The following OTUD7A variants were observed in gnomAD, a reference collection of about 807,000 sequenced individuals.
The protein encoded by OTUD7A is OTU deubiquitinase 7A.
OTUD7A carries 12 observed loss-of-function variants against 65.7 expected under a neutral mutation model. That is an observed-to-expected ratio of 0.18 (90% CI 0.12 to 0.30). The LOEUF (loss-of-function observed/expected upper bound fraction) is 0.30. Ranked by LOEUF, OTUD7A falls within the 10% of genes least tolerant of loss-of-function variation. The probability of loss-of-function intolerance (pLI) is 1.00; values close to 1 mark genes in which losing one functional copy is unlikely to be tolerated. For synonymous variants in OTUD7A, 641 were observed against 586.3 expected, an observed-to-expected ratio of 1.09 and a Z score of -1.35; for missense variants, 1,148 against 1,304.8, an observed-to-expected ratio of 0.88 and a Z score of 1.85.
At chr15:31,549,078 G>A (rs1888231099) in intron 5 of OTUD7A, among the ~76,000 whole-genome samples, 1 of 150,650 alleles carries the variant, frequency 6.6e-6, no homozygotes. Context: ...ACAGGCTGGA[G>A]TGAGCTGACA....
chr15:31,768,024 T>C (rs1233128787), intron 1 of OTUD7A: 4 of 1,599,868 alleles, frequency 2.5e-6, no homozygotes, highest in African/African-American at 2.7e-5. Flanking sequence ...AAATTGCTAT[T>C]ATTTCTTAAT....
intron 3 of OTUD7A, among the ~76,000 whole-genome samples, chr15:31,610,689 T>C (rs1257832406): frequency 1.5e-5 from 2 of 130,584 alleles, no homozygotes; most frequent in African/African-American, 5.8e-5. Flanking sequence ...TGGCGCAACC[T>C]TGGCTCACTG....
chr15:31,666,409 G>A (rs1892321966), intron 1 of OTUD7A, among the ~76,000 whole-genome samples: 1 of 152,066 alleles, frequency 6.6e-6, no homozygotes, highest in Admixed American at 6.5e-5. Context: ...TGTGTGTAAA[G>A]GTGTTCATAG....
chr15:31,841,491 G>C (rs909115017), intron 1 of OTUD7A, among the ~76,000 whole-genome samples: 4 of 152,090 alleles, frequency 2.6e-5, no homozygotes, highest in African/African-American at 9.7e-5. Flanking sequence ...CCTCTACATA[G>C]TCACTTCCCT....
intron 3 of OTUD7A, among the ~76,000 whole-genome samples, chr15:31,584,921 T>C (rs1400933305): frequency 1.3e-5 from 2 of 152,178 alleles, no homozygotes; most frequent in African/African-American, 4.8e-5. Flanking sequence ...ATAAGACCTA[T>C]TGATGAGGAG....
intron 1 of OTUD7A, among the ~76,000 whole-genome samples, chr15:31,745,690 CTT>C (rs892700987): frequency 6.6e-6 from 1 of 152,106 alleles, no homozygotes; most frequent in Non-Finnish European, 1.5e-5. Context: ...ACATGTTAGA[CTT>C]TATCAAAACA....
rs950879551 is a variant in OTUD7A at position 31,498,301 on chromosome 15, GATT to G, written c.1171+3386_1171+3388del. Reference sequence around the variant, plus strand: ...GTGTGAGAATATTTACAGAAATGCAGATTATTTTATTACATTGGTTTCCTTTGA... The same window carrying G: ...GTGTGAGAATATTTACAGAAATGCAGATTTTATTACATTGGTTTCCTTTGA... On this transcript the variant is annotated intron_variant, in intron 10 of 12. Transcript: ENST00000307050. The surrounding 1 kb of genome is among the most constrained non-coding windows in gnomAD (Gnocchi z 4.2). 6.6e-6 allele frequency among the ~76,000 whole-genome samples: 1 copy of G among 152,212 alleles called. No individual in the cohort carries two copies. Among genetic ancestry groups the G allele is most frequent in the African/African-American group, 2.4e-5 (1 of 41,440 alleles).
At chr15:31,785,409 C>T (rs1895646689) in intron 1 of OTUD7A, among the ~76,000 whole-genome samples, 1 of 152,198 alleles carries the variant, frequency 6.6e-6, no homozygotes, top group African/African-American at 2.4e-5. Context: ...GCTTCTCTCA[C>T]TCCAAGATTA....
chr15:31,570,000 T>G lies in OTUD7A; in HGVS notation c.331+18A>C. 1 of 1,612,840 alleles carries G rather than the reference T, an allele frequency of 6.2e-7. No homozygotes were observed. The highest frequency in any genetic ancestry group is 8.5e-7 in the Non-Finnish European group (1 of 1,179,780). ...CTGGCCTGGGCGGCTGTGCCTAGGC[T>G]CAGTCCCTCAGCGGTACCTTGGGCA... On this transcript the variant is annotated intron_variant, in intron 4 of 12. Coordinates refer to ENST00000307050, the MANE Select transcript of OTUD7A (RefSeq NM_001382637.1).
chr15:31,682,493 T>TC (rs1429174796), intron 1 of OTUD7A, among the ~76,000 whole-genome samples: 6 of 152,196 alleles, frequency 3.9e-5, no homozygotes, highest in Non-Finnish European at 8.8e-5. Context: ...ATTATAAACC[T>TC]CCTGTGGCCA....
rs186363187 is a variant in OTUD7A at position 31,511,740 on chromosome 15, T to C, written c.894-7922A>G. On this transcript the variant is annotated intron_variant, in intron 8 of 12. Transcript: ENST00000307050. ...TATGTATATCTATATGTAACACACA[T>C]ATATATGTATATCTATATGTAACAT... Among the ~76,000 whole-genome samples, 37 of 143,408 alleles carry C rather than the reference T, an allele frequency of 2.6e-4. 9 individuals are homozygous for C. The highest frequency in any genetic ancestry group is 7.1e-4 in the Admixed American group (10 of 14,176). 94.1% of individuals were successfully genotyped at this position (143,408 alleles called of 152,430 possible).
chr15:31,635,081 G>A lies in OTUD7A; in HGVS notation c.151+20015C>T, dbSNP rs1355912689. ...AGGTCCTTAGTGGTTCTTGGTTTCT[G>A]CCTTCTAAAGCAAGGGGTTTGAGCC... On this transcript the variant is annotated intron_variant, in intron 3 of 12. Transcript: ENST00000307050. Among the ~76,000 whole-genome samples the A allele has an allele frequency of 1.3e-5, 2 of 152,170 alleles. 1 individual carries two copies. Among genetic ancestry groups the A allele is most frequent in the Admixed American group, 1.3e-4 (2 of 15,288 alleles).
chr15:31,718,278 C>A (rs1470574336), intron 1 of OTUD7A, among the ~76,000 whole-genome samples: 1 of 152,150 alleles, frequency 6.6e-6, no homozygotes, highest in South Asian at 2.1e-4. Flanking sequence ...TAAATTTCTC[C>A]GCCATTGGTT....
chr15:31,523,730 C>T (rs998907704), intron 8 of OTUD7A, among the ~76,000 whole-genome samples: 1 of 152,242 alleles, frequency 6.6e-6, no homozygotes, highest in Non-Finnish European at 1.5e-5. Context: ...GAAACTCAAC[C>T]CTGCAGCCCT....
chr15:31,523,333 C>T (rs1050021837), intron 8 of OTUD7A, among the ~76,000 whole-genome samples: 6 of 152,256 alleles, frequency 3.9e-5, no homozygotes, highest in African/African-American at 1.4e-4. Flanking sequence ...TGTCTTCCTT[C>T]AGGGCCCGCT....
intron 3 of OTUD7A, among the ~76,000 whole-genome samples, chr15:31,612,203 A>G (rs1890446655): frequency 6.6e-6 from 1 of 152,208 alleles, no homozygotes; most frequent in Non-Finnish European, 1.5e-5. Flanking sequence ...ACTGAATGGG[A>G]AAAGTTGAAA....
chr15:31,621,865 G>A (rs12910103), intron 3 of OTUD7A, among the ~76,000 whole-genome samples: 1 of 151,738 alleles, frequency 6.6e-6, no homozygotes, highest in Non-Finnish European at 1.5e-5. Flanking sequence ...TAGCATCGAT[G>A]GTCTTTTCAA....
At chr15:31,685,551 A>C (rs12595344) in intron 1 of OTUD7A, among the ~76,000 whole-genome samples, 136,687 of 151,992 alleles carry the variant, frequency 0.9, 62,729 homozygotes, top group East Asian at 1. Flanking sequence ...CCCAGCTACT[A>C]GGGAGGCTGA....
chr15:31,544,024 T>C (rs759618085), intron 5 of OTUD7A, among the ~76,000 whole-genome samples: 10 of 151,832 alleles, frequency 6.6e-5, no homozygotes, highest in Non-Finnish European at 1.5e-4. Context: ...TTTCAAATCA[T>C]ACAGACAATG....
Sources: allele counts gnomAD v4.1 joint callset (sites outside exome capture counted in the v4.1 genomes callset), GRCh38; gene constraint gnomAD v4.1.1; non-coding constraint Gnocchi (gnomAD v3.1); transcripts MANE v1.5; gene names NCBI Gene and HGNC (gene_info 2026-07-23, HGNC 2026-07-21).